HYDIN: variants seen among roughly 807,000 people sequenced by gnomAD.
The protein encoded by HYDIN is HYDIN axonemal central pair apparatus protein, also known as axonemal central pair apparatus protein HYDIN.
HYDIN carries 132 observed loss-of-function variants against 403.9 expected under a neutral mutation model. The observed-to-expected ratio is 0.33, with a 90% CI of 0.28 to 0.38. The LOEUF is 0.38. Among genes scored for constraint, HYDIN ranks in the 10% least tolerant of loss-of-function variants. The pLI is 1.00. For synonymous variants in HYDIN, 1,202 were observed against 1,891.7 expected (o/e 0.64, Z 9.46); for missense variants, 2,827 against 5,009.5 (o/e 0.56, Z 13.15).
At chr16:71,061,550 T>C (rs1258876836) in intron 17 of HYDIN, among the ~76,000 whole-genome samples, 1 of 152,202 alleles carries the variant, frequency 6.6e-6, no homozygotes, top group East Asian at 1.9e-4. Flanking sequence ...CCTCTTCCTC[T>C]TCCTCTTCCT....
intron 41 of HYDIN, among the ~76,000 whole-genome samples, chr16:70,946,612 G>T (rs558677418): frequency 6.6e-6 from 1 of 152,242 alleles, no homozygotes; most frequent in South Asian, 2.1e-4. Context: ...AGACTGGATA[G>T]GGAGGGCACG....
chr16:70,817,724 A>G (rs982738976), intron 84 of HYDIN, among the ~76,000 whole-genome samples: 1 of 151,960 alleles, frequency 6.6e-6, no homozygotes, highest in African/African-American at 2.4e-5. Context: ...CCTATTCTAT[A>G]CTATTTTATT....
chr16:70,995,591 T>G (rs2079506264), intron 23 of HYDIN, among the ~76,000 whole-genome samples: 1 of 152,122 alleles, frequency 6.6e-6, no homozygotes, highest in African/African-American at 2.4e-5. Flanking sequence ...GGAAGCAGTG[T>G]GGCGCTAAAA....
chr16:70,885,995 A>G (rs1408501830), intron 58 of HYDIN, among the ~76,000 whole-genome samples: 1 of 145,546 alleles, frequency 6.9e-6, no homozygotes, highest in Non-Finnish European at 1.5e-5. Flanking sequence ...CCATGAGGGA[A>G]AGGCCAACAG....
intron 77 of HYDIN, among the ~76,000 whole-genome samples, chr16:70,836,599 C>T (rs894666000): frequency 2.0e-5 from 3 of 152,178 alleles, no homozygotes; most frequent in Admixed American, 6.5e-5. Context: ...TGGGTCAGGC[C>T]AAGGCCAGGC....
rs186856595 is a variant in HYDIN at position 71,040,166 on chromosome 16, C to A, written c.2530-8249G>T. ...CAGGTCCCAGTAAGTGGAGTTTGAT[C>A]TTGCTGGTGCCGATGCGGTTGGCTG... On this transcript the variant is annotated intron_variant, in intron 18 of 85. Transcript: ENST00000393567. 1.2e-3 allele frequency among the ~76,000 whole-genome samples: 187 copies of A among 152,238 alleles called. 1 individual carries two copies. Among genetic ancestry groups the A allele is most frequent in the African/African-American group, 4.5e-3 (185 of 41,568 alleles).
At chr16:71,216,643 C>T (rs2088896921) in intron 1 of HYDIN, among the ~76,000 whole-genome samples, 1 of 152,232 alleles carries the variant, frequency 6.6e-6, no homozygotes, top group Admixed American at 6.5e-5. Flanking sequence ...ATGTTCTATT[C>T]CACAACTAAA....
rs370010637 is a variant in HYDIN, at chr16:70,818,431, G to T, written c.14569C>A (p.Pro4857Thr). The change falls in exon 84 of 86, where the codon CCT becomes ACT. Residue 4857 changes from proline to threonine, a missense_variant. Physicochemically the swap from Pro to Thr is conservative, Grantham distance 38. Coordinates refer to ENST00000393567, the MANE Select transcript of HYDIN (RefSeq NM_001270974.2). ...VASASIKLEN[P>T]LPYSVTFSTE... ...GAGAAGGTCACCGAGTAGGGCAGAG[G>T]GTTCTCCAACTTGATGGAGGCTGAC... The T allele has an allele frequency of 1.4e-4, 220 of 1,612,034 alleles. No homozygotes were observed. Among genetic ancestry groups the T allele is most frequent in the South Asian group, 6.5e-4 (59 of 90,510 alleles).
chr16:71,033,093 G>A (rs2080970157), intron 18 of HYDIN, among the ~76,000 whole-genome samples: 1 of 149,772 alleles, frequency 6.7e-6, no homozygotes, highest in Admixed American at 6.7e-5. Context: ...ATATTCAACG[G>A]CTCTGAGGTC....
At chr16:71,215,233 G>T (rs1006366782) in intron 1 of HYDIN, among the ~76,000 whole-genome samples, 4 of 151,872 alleles carry the variant, frequency 2.6e-5, no homozygotes, top group Admixed American at 2.6e-4. Context: ...AAGGGAGAAA[G>T]GGAGAAATGG....
At chr16:71,128,589 G>GTTTGTT (rs1568196481) in intron 9 of HYDIN, among the ~76,000 whole-genome samples, 2 of 151,738 alleles carry the variant, frequency 1.3e-5, no homozygotes, top group African/African-American at 2.4e-5. Context: ...TGTTTTTTTT[G>GTTTGTT]TTTGTTTTTT....
At chr16:70,985,503 T>A (rs184837985) in intron 27 of HYDIN, among the ~76,000 whole-genome samples, 181 bp from the exon 28 acceptor site, 23 of 152,288 alleles carry the variant, frequency 1.5e-4, no homozygotes, top group African/African-American at 5.1e-4. Context: ...ACCTGGCTCT[T>A]AGTTCTTCTA....
chr16:70,807,098 C>T lies in HYDIN; in HGVS notation c.*482G>A, dbSNP rs1395020171. Among the ~76,000 whole-genome samples, 1 of 152,168 alleles carries T rather than the reference C, an allele frequency of 6.6e-6. No individual in the cohort carries two copies. Among genetic ancestry groups the T allele is most frequent in the African/African-American group, 2.4e-5 (1 of 41,442 alleles). On this transcript the variant is annotated 3_prime_UTR_variant, in exon 86 of 86. Coordinates refer to ENST00000393567, the MANE Select transcript of HYDIN (RefSeq NM_001270974.2). Reference sequence around the variant, plus strand: ...GATTGCCCTAATGTTATCTGCTCATCCCTCTGAAAATATTTATTTGGCTTT... The same window carrying T: ...GATTGCCCTAATGTTATCTGCTCATTCCTCTGAAAATATTTATTTGGCTTT...
At chr16:71,169,112 C>T (rs1471690542) in intron 5 of HYDIN, among the ~76,000 whole-genome samples, 1 of 152,178 alleles carries the variant, frequency 6.6e-6, no homozygotes, top group African/African-American at 2.4e-5. Context: ...ACCCAAGTGT[C>T]CATCAATGGA....
intron 5 of HYDIN, among the ~76,000 whole-genome samples, chr16:71,169,943 A>T (rs1207117799): frequency 2.6e-5 from 4 of 152,252 alleles, no homozygotes; most frequent in Non-Finnish European, 5.9e-5. Flanking sequence ...AAATATATAC[A>T]ATTTTTGTCA....
At position 70,904,053 on chromosome 16, in the gene HYDIN, G is replaced by A. The variant is rs761933367; in HGVS notation, c.8528C>T (p.Ser2843Phe). The A allele has an allele frequency of 6.3e-7, 1 of 1,576,596 alleles. No individual in the cohort carries two copies. Among genetic ancestry groups the A allele is most frequent in the Non-Finnish European group, 8.6e-7 (1 of 1,165,104 alleles). ...CGKSRDKYKSSLFPGNMETLT... is the reference protein window; with the variant it reads ...CGKSRDKYKSFLFPGNMETLT... ...CGTCTCCATGTTGCCTGGGAATAAG[G>A]ATGACTTGTACCTGGGGATGAACAA... Residue 2843 changes from serine (S) to phenylalanine (F), a missense_variant, in exon 51 of 86, where the codon TCC becomes TTC. Ser to Phe is a radical substitution (Grantham distance 155, BLOSUM62 -2). Transcript: ENST00000393567.
At chr16:70,989,944 T>A (rs1468288317) in intron 25 of HYDIN, among the ~76,000 whole-genome samples, 1 of 152,226 alleles carries the variant, frequency 6.6e-6, no homozygotes, top group South Asian at 2.1e-4. Context: ...AAGATATCTA[T>A]GTAACTGTTT....
chr16:71,228,475 A>C (rs2041137261), intron 1 of HYDIN, among the ~76,000 whole-genome samples: 1 of 152,248 alleles, frequency 6.6e-6, no homozygotes, highest in African/African-American at 2.4e-5. Flanking sequence ...GAAAAAAACA[A>C]ACCCATCAAA....
intron 43 of HYDIN, 31 bp from the exon 44 acceptor site, chr16:70,938,786 G>A: frequency 1.2e-6 from 2 of 1,612,154 alleles, no homozygotes; most frequent in South Asian, 1.1e-5. Context: ...GGAAGGTGAG[G>A]AAAAGTCCTT....
Sources: gnomAD v4.1 joint callset for allele counts (sites outside exome capture counted in the v4.1 genomes callset) on GRCh38, gnomAD v4.1.1 for gene constraint, MANE v1.5 for transcripts, NCBI Gene and HGNC (gene_info 2026-07-23, HGNC 2026-07-21) for gene names.